The following PCDHGA2 variants were observed in gnomAD, a reference collection of about 807,000 sequenced individuals.
PCDHGA2 encodes the protein protocadherin gamma-A2.
PCDHGA2 carries 40 observed loss-of-function variants against 59.2 expected under a neutral mutation model. That is an observed-to-expected ratio of 0.68 (90% CI 0.52 to 0.88). The LOEUF is 0.88. Ranked by LOEUF, PCDHGA2 falls within the 40% of genes least tolerant of loss-of-function variation. PCDHGA2 has a pLI of 0.00. For synonymous variants in PCDHGA2, 560 were observed against 526.0 expected (o/e 1.06, Z -0.89); for missense variants, 1,226 against 1,204.0 (o/e 1.02, Z -0.27).
In PCDHGA2 at chr5:141,432,218, A is replaced by T. The variant is rs570925415; in HGVS notation, c.2425-62589A>T. On this transcript the variant is annotated intron_variant, in intron 1 of 3. Transcript: ENST00000394576. This position sits in a 1 kb window ranked among gnomAD's most constrained non-coding sequence, Gnocchi z 6.0. Reference sequence around the variant, plus strand: ...CCCCGACTGTGAAGAGAACGCCCAGATCACTTATTCCCTGGCTGAGAACAC... The same window carrying T: ...CCCCGACTGTGAAGAGAACGCCCAGTTCACTTATTCCCTGGCTGAGAACAC... The T allele has an allele frequency of 6.2e-7, 1 of 1,614,148 alleles. No homozygotes were observed. The highest frequency in any genetic ancestry group is 1.3e-5 in the African/African-American group (1 of 75,030).
At chr5:141,376,522 G>C in intron 1 of PCDHGA2, 1 of 1,613,784 alleles carries the variant, frequency 6.2e-7, no homozygotes, top group Non-Finnish European at 8.5e-7. Context: ...GTTTCTTTCC[G>C]CCTAAGCGGG....
chr5:141,351,997 G>C (rs1228319318), intron 1 of PCDHGA2: 2 of 1,610,894 alleles, frequency 1.2e-6, no homozygotes, highest in South Asian at 2.2e-5. Context: ...GCGCCGCAGA[G>C]CCCGGCTACC....
chr5:141,380,370 G>T (rs1427266285), intron 1 of PCDHGA2, among the ~76,000 whole-genome samples: 2 of 152,084 alleles, frequency 1.3e-5, no homozygotes, highest in Admixed American at 1.3e-4. Context: ...AGAAAAAAAA[G>T]TCCCAAAAAA....
At chr5:141,350,305 G>C in intron 1 of PCDHGA2, 1 of 1,521,886 alleles carries the variant, frequency 6.6e-7, no homozygotes, top group South Asian at 1.3e-5. Context: ...GTCAGGTACT[G>C]TTTCCCTTCC....
intron 1 of PCDHGA2, among the ~76,000 whole-genome samples, chr5:141,452,401 G>C (rs2098740635): frequency 6.6e-6 from 1 of 152,134 alleles, no homozygotes. Flanking sequence ...CTAAGATCTG[G>C]GTGTGAGGTA....
At chr5:141,409,013 G>T in intron 1 of PCDHGA2, 1 of 1,613,998 alleles carries the variant, frequency 6.2e-7, no homozygotes. Flanking sequence ...TGACCAGGAT[G>T]AGGGGGTCAA....
intron 1 of PCDHGA2, chr5:141,409,621 A>G: frequency 6.2e-7 from 1 of 1,613,852 alleles, no homozygotes; most frequent in Non-Finnish European, 8.5e-7. Context: ...CCATTGCGCA[A>G]GTGAGCGCCT....
chr5:141,385,657 C>T, intron 1 of PCDHGA2: 1 of 611,856 alleles, frequency 1.6e-6, no homozygotes, highest in Admixed American at 4.9e-5. Context: ...ACAAGGTTAG[C>T]AGGAATAAAA....
chr5:141,352,036 A>G, intron 1 of PCDHGA2: 1 of 1,608,834 alleles, frequency 6.2e-7, no homozygotes, highest in Admixed American at 1.7e-5. Context: ...CGGTGGACGC[A>G]GACTCAGGAC....
At chr5:141,425,447 A>G (rs549575207) in intron 1 of PCDHGA2, among the ~76,000 whole-genome samples, 5 of 152,318 alleles carry the variant, frequency 3.3e-5, no homozygotes, top group African/African-American at 1.2e-4. Flanking sequence ...AAAATAAAAC[A>G]CCATCACATT....
At chr5:141,429,577 T>C (rs2097225544) in intron 1 of PCDHGA2, among the ~76,000 whole-genome samples, 2 of 152,230 alleles carry the variant, frequency 1.3e-5, no homozygotes, top group South Asian at 4.1e-4. Context: ...TTACATTTAC[T>C]TTTGATTCTT....
intron 1 of PCDHGA2, chr5:141,395,555 TGTGTG>T: frequency 9.9e-6 from 1 of 101,256 alleles, no homozygotes; most frequent in Non-Finnish European, 1.7e-5. Context: ...TGTGTGTGTG[TGTGTG>T]TGTGTGTGTG....
chr5:141,339,363 C>G lies in PCDHGA2; in HGVS notation c.392C>G (p.Pro131Arg). 6.2e-7 allele frequency: 1 copy of G among 1,614,214 alleles called. No homozygotes were observed. The highest frequency in any genetic ancestry group is 8.5e-7 in the Non-Finnish European group (1 of 1,180,022). The change falls in exon 1 of 4, where the codon CCT becomes CGT. Residue 131 changes from proline to arginine, a missense_variant. Coordinates refer to ENST00000394576, the MANE Select transcript of PCDHGA2 (RefSeq NM_018915.4). ...ATAACAGATATTAACGATAATGCCC[C>G]TCGCTTTGGAGTAGAGGAACTGGAG... The part of the protein sequence containing the change: ...VEITDINDNA[P>R]RFGVEELELK...
intron 1 of PCDHGA2, chr5:141,393,547 C>T (rs761723933): frequency 4.3e-6 from 7 of 1,613,938 alleles, no homozygotes; most frequent in South Asian, 1.1e-5. Flanking sequence ...TTTCCTCACC[C>T]GATTTACCGA....
intron 1 of PCDHGA2, chr5:141,350,628 T>C (rs974919144): frequency 1.3e-5 from 21 of 1,613,936 alleles, no homozygotes; most frequent in Non-Finnish European, 1.6e-5. Flanking sequence ...ATCCAAGATA[T>C]TAATGACAAT....
chr5:141,344,394 A>G (rs747092049), intron 1 of PCDHGA2: 15 of 1,611,866 alleles, frequency 9.3e-6, no homozygotes, highest in Non-Finnish European at 1.1e-5. Context: ...TGAAGTAGAA[A>G]TAGAAATTAA....
intron 1 of PCDHGA2, chr5:141,378,802 CA>C (rs1201523670): frequency 1.3e-5 from 2 of 152,134 alleles, no homozygotes; most frequent in African/African-American, 2.4e-5. Context: ...CTGAAATGTG[CA>C]AACAGAATCA....
chr5:141,395,542 T>TTGTTTGTTTGTG (rs1267535064), intron 1 of PCDHGA2: 1 of 168,708 alleles, frequency 5.9e-6, no homozygotes, highest in African/African-American at 5.7e-5. Flanking sequence ...TTGCTATTGT[T>TTGTTTGTTTGTG]TGTGTGTGTG....
At chr5:141,403,803 T>C (rs1323082699) in intron 1 of PCDHGA2, 5 of 1,613,668 alleles carry the variant, frequency 3.1e-6, no homozygotes. Context: ...TTCTGGAAAA[T>C]TAATGAAAAA....
Sources: gnomAD v4.1 joint callset for allele counts (sites outside exome capture counted in the v4.1 genomes callset) on GRCh38, gnomAD v4.1.1 for gene constraint, Gnocchi (gnomAD v3.1) non-coding constraint, MANE v1.5 for transcripts, NCBI Gene and HGNC (gene_info 2026-07-23, HGNC 2026-07-21) for gene names.